The following DLG2 variants were observed in gnomAD, a reference collection of about 807,000 sequenced individuals.
DLG2 encodes the protein discs large MAGUK scaffold protein 2.
DLG2 carries 45 observed loss-of-function variants against 132.5 expected under a neutral mutation model. The observed-to-expected ratio is 0.34, with a 90% CI of 0.27 to 0.44. The LOEUF (loss-of-function observed/expected upper bound fraction) is 0.44. Ranked by LOEUF, DLG2 falls within the 20% of genes least tolerant of loss-of-function variation. The pLI, the probability that DLG2 is intolerant of heterozygous loss-of-function variation, is 1.00. For missense variants in DLG2, 1,045 were observed against 1,196.9 expected (o/e 0.87, Z 1.87); for synonymous variants, 424 against 419.6 (o/e 1.01, Z -0.13).
intron 7 of DLG2, among the ~76,000 whole-genome samples, chr11:84,331,916 C>T (rs557910117): frequency 9.7e-4 from 147 of 152,270 alleles, no homozygotes; most frequent in African/African-American, 3.4e-3. Flanking sequence ...ACATCCAAGT[C>T]GGAGCCCAGG....
intron 6 of DLG2, among the ~76,000 whole-genome samples, chr11:84,732,194 C>T (rs2063235028): frequency 6.6e-6 from 1 of 151,992 alleles, no homozygotes. Context: ...TTGATGAACA[C>T]TTGAGTCACT....
intron 8 of DLG2, among the ~76,000 whole-genome samples, chr11:84,197,139 C>T (rs1226616241): frequency 1.3e-5 from 2 of 150,310 alleles, no homozygotes; most frequent in African/African-American, 4.9e-5. Context: ...GGCTTTGAAC[C>T]ATATGTTGAG....
chr11:84,125,892 TATA>T (rs2094147262), intron 9 of DLG2, among the ~76,000 whole-genome samples: 1 of 152,242 alleles, frequency 6.6e-6, no homozygotes, highest in African/African-American at 2.4e-5. Context: ...TATGGAGTAA[TATA>T]ATGAATTTAT....
chr11:84,095,790 T>A (rs894203298), intron 10 of DLG2, among the ~76,000 whole-genome samples: 3 of 152,190 alleles, frequency 2.0e-5, no homozygotes, highest in African/African-American at 7.2e-5. Context: ...AGGCAAAGGC[T>A]GTAATGTGGA....
chr11:84,364,233 G>A (rs573384206), intron 7 of DLG2, among the ~76,000 whole-genome samples: 17 of 152,066 alleles, frequency 1.1e-4, no homozygotes, highest in South Asian at 8.3e-4. Flanking sequence ...CACATCCCTT[G>A]TAAGTTGGAT....
intron 8 of DLG2, among the ~76,000 whole-genome samples, chr11:84,227,262 G>C (rs1239923803): frequency 6.6e-6 from 1 of 151,968 alleles, no homozygotes; most frequent in Admixed American, 6.6e-5. Context: ...AGACATATTA[G>C]ACGTAGACAA....
chr11:83,876,006 T>C (rs1459333208), intron 15 of DLG2, among the ~76,000 whole-genome samples: 2 of 152,158 alleles, frequency 1.3e-5, no homozygotes, highest in African/African-American at 4.8e-5. Context: ...GCCAAGATAT[T>C]CATTGATCAT....
chr11:84,716,047 T>C (rs1345100610), intron 6 of DLG2, among the ~76,000 whole-genome samples: 2 of 152,120 alleles, frequency 1.3e-5, no homozygotes, highest in Non-Finnish European at 2.9e-5. Context: ...ATAGGTTCCC[T>C]TTTCTCCATA....
Position 85,300,317 on chromosome 11 carries a change from G to T in DLG2, c.41-14952C>A, listed in dbSNP as rs150950168. On this transcript the variant is annotated intron_variant, in intron 3 of 27. Coordinates refer to ENST00000376104, the MANE Select transcript of DLG2 (RefSeq NM_001142699.3). ...GCAGAGAAAGGTTTGTTGGTGTTAA[G>T]AGACTTTTCACTCTAGAGTACCTGA... Among the ~76,000 whole-genome samples the T allele has an allele frequency of 3.3e-3, 498 of 152,264 alleles. 4 individuals are homozygous for T. Among genetic ancestry groups the T allele is most frequent in the Non-Finnish European group, 5.7e-3 (385 of 68,012 alleles).
intron 10 of DLG2, among the ~76,000 whole-genome samples, chr11:84,091,077 G>A (rs1350823205): frequency 6.6e-6 from 1 of 152,158 alleles, no homozygotes. Context: ...TTTGTGTAGT[G>A]CAAAAATGAA....
intron 18 of DLG2, among the ~76,000 whole-genome samples, chr11:83,771,883 A>G (rs2094407436): frequency 1.3e-5 from 2 of 152,224 alleles, no homozygotes; most frequent in African/African-American, 4.8e-5. Context: ...GAAGATGTCT[A>G]TGATATGAAA....
chr11:84,997,052 G>C (rs1490259604), intron 6 of DLG2, among the ~76,000 whole-genome samples: 1 of 152,122 alleles, frequency 6.6e-6, no homozygotes, highest in Non-Finnish European at 1.5e-5. Flanking sequence ...GTGGGGCAGA[G>C]GGGTTGGATG....
At position 83,484,171 on chromosome 11, in the gene DLG2, T is replaced by C; in HGVS notation, c.2251A>G (p.Lys751Glu). The change falls in exon 22 of 28, where the codon AAG becomes GAG. Residue 751 changes from lysine (K) to glutamate (E), a missense_variant. Coordinates refer to ENST00000376104, the MANE Select transcript of DLG2 (RefSeq NM_001142699.3). ...TCCTGCTCACTCTGCTCCTTGTTCT[T>C]GTAGAATGGGAATTTTCGTGAAAAG... Reference protein sequence around the residue: ...FIFSRKFPFYKNKEQSEQETS... With the variant: ...FIFSRKFPFYENKEQSEQETS... 6.2e-7 allele frequency: 1 copy of C among 1,613,472 alleles called. No individual in the cohort carries two copies. Among genetic ancestry groups the C allele is most frequent in the South Asian group, 1.1e-5 (1 of 91,060 alleles).
At chr11:85,487,760 A>G (rs2093462863) in intron 3 of DLG2, among the ~76,000 whole-genome samples, 2 of 152,212 alleles carry the variant, frequency 1.3e-5, no homozygotes, top group South Asian at 4.1e-4. Context: ...ATAATAGATG[A>G]AAATTTCCCA....
chr11:83,782,832 A>C (rs1218560596), intron 18 of DLG2, among the ~76,000 whole-genome samples: 2 of 152,096 alleles, frequency 1.3e-5, no homozygotes, highest in African/African-American at 2.4e-5. Flanking sequence ...TTCTGAAATC[A>C]AAGGGGAAGG....
rs578144235 is a variant in DLG2, at chr11:84,389,372, A to C, written c.520-138081T>G. Among the ~76,000 whole-genome samples the C allele has an allele frequency of 3.9e-5, 6 of 152,192 alleles. No homozygotes were observed. The South Asian group carries it at 1.2e-3, about 32-fold the overall frequency. On this transcript the variant is annotated intron_variant, in intron 7 of 27. Transcript: ENST00000376104. ...TCTGTTCTTCAGTTAAAACTCCATAAAAACCTGTCCCAAGTCAATACCAAA... is the reference window on the plus strand; with the variant it reads ...TCTGTTCTTCAGTTAAAACTCCATACAAACCTGTCCCAAGTCAATACCAAA...
At chr11:83,542,360 T>C (rs184780005) in intron 19 of DLG2, among the ~76,000 whole-genome samples, 39 of 152,244 alleles carry the variant, frequency 2.6e-4, no homozygotes, top group Non-Finnish European at 3.8e-4. Context: ...CCACCCATAG[T>C]AGGCGGTGAT....
chr11:84,060,941 G>A (rs569007055), intron 10 of DLG2, among the ~76,000 whole-genome samples: 1 of 152,144 alleles, frequency 6.6e-6, no homozygotes, highest in Non-Finnish European at 1.5e-5. Flanking sequence ...CTCCACAAAC[G>A]CCGACCTAGC....
chr11:84,957,325 A>C (rs1248356099), intron 6 of DLG2, among the ~76,000 whole-genome samples: 2 of 152,304 alleles, frequency 1.3e-5, no homozygotes, highest in East Asian at 3.9e-4. Flanking sequence ...CATGGTTATA[A>C]ATTGCTTTCA....
Sources: gnomAD v4.1 joint callset for allele counts (sites outside exome capture counted in the v4.1 genomes callset) on GRCh38, gnomAD v4.1.1 for gene constraint, MANE v1.5 for transcripts, NCBI Gene and HGNC (gene_info 2026-07-23, HGNC 2026-07-21) for gene names.